The following TDG variants were observed in gnomAD, a reference collection of about 807,000 sequenced individuals.
The protein encoded by TDG is G/T mismatch-specific thymine DNA glycosylase.
Under a neutral mutation model 46.1 loss-of-function variants are expected in TDG, and 23 were observed. The observed-to-expected ratio is 0.50, with a 90% CI of 0.36 to 0.71. TDG has a LOEUF of 0.71. Ranked by LOEUF, TDG falls within the 30% of genes least tolerant of loss-of-function variation. TDG has a pLI of 0.00. For synonymous variants in TDG, 115 were observed against 161.3 expected (o/e 0.71, Z 2.18); for missense variants, 304 against 486.7 (o/e 0.62, Z 3.53).
At chr12:103,972,083 T>G (rs1025252477) in intron 1 of TDG, among the ~76,000 whole-genome samples, 2 of 152,140 alleles carry the variant, frequency 1.3e-5, no homozygotes, top group African/African-American at 4.8e-5. Context: ...TGCTTATACA[T>G]TTAGTTGTTA....
intron 2 of TDG, among the ~76,000 whole-genome samples, chr12:103,977,684 G>A (rs1871606339): frequency 6.6e-6 from 1 of 152,224 alleles, no homozygotes; most frequent in Admixed American, 6.5e-5. Context: ...GAGAATGTAA[G>A]CAAGGGATGA....
chr12:103,983,270 T>C, intron 6 of TDG, 25 bp from the exon 7 acceptor site: 2 of 1,571,190 alleles, frequency 1.3e-6, no homozygotes, highest in Non-Finnish European at 1.7e-6. Context: ...ATGGGCAATG[T>C]AAATATGTTT....
rs374746215 is a variant in TDG at position 103,979,877 on chromosome 12, A to G, written c.213A>G (p.Lys71=). Residue 71 remains lysine (K), a synonymous_variant, in exon 3 of 10, where the codon AAA becomes AAG. Coordinates refer to ENST00000392872, the MANE Select transcript of TDG (RefSeq NM_003211.6). ...GAAAACCCAGAACAACAGAACCAAAACAACCAGTGGAACCCAAAAAACCTG... is the reference window on the plus strand; with the variant it reads ...GAAAACCCAGAACAACAGAACCAAAGCAACCAGTGGAACCCAAAAAACCTG... ...RKRKPRTTEP[K]QPVEPKKPVE... is the part of the protein sequence containing the mutation. 1.3e-6 allele frequency: 2 copies of G among 1,598,326 alleles called. No individual in the cohort carries two copies.
intron 1 of TDG, 52 bp downstream of exon 1, chr12:103,966,112 G>T (rs369243880): frequency 1.6e-5 from 24 of 1,459,448 alleles, no homozygotes; most frequent in Non-Finnish European, 2.1e-5. Flanking sequence ...CTGCTGGGCA[G>T]GCTGGCTGGC....
chr12:103,984,990 TATACACATATACATATATAC>T, intron 8 of TDG, 70 bp downstream of exon 8: 1 of 1,254,190 alleles, frequency 8.0e-7, no homozygotes, highest in South Asian at 1.9e-5. Flanking sequence ...CTTACATATA[TATACACATATACATATATAC>T]ATATACACAT....
intron 3 of TDG, 176 bp from the exon 4 acceptor site, chr12:103,980,717 C>A: frequency 2.0e-6 from 1 of 507,016 alleles, no homozygotes; most frequent in Non-Finnish European, 3.4e-6. Context: ...ATCTCTTTCC[C>A]ATATATGAAA....
At chr12:103,974,974 C>CAAAAAAAAAAAAA (rs34864393) in intron 1 of TDG, among the ~76,000 whole-genome samples, 2 of 77,224 alleles carry the variant, frequency 2.6e-5, no homozygotes, top group Non-Finnish European at 5.3e-5. Context: ...GACTCCGTCT[C>CAAAAAAAAAAAAA]AAAAAAAAAA....
intron 1 of TDG, among the ~76,000 whole-genome samples, chr12:103,974,974 CAAA>C (rs34864393): frequency 3.9e-5 from 3 of 77,226 alleles, no homozygotes; most frequent in East Asian, 4.7e-4. Context: ...GACTCCGTCT[CAAA>C]AAAAAAAAAA....
intron 1 of TDG, chr12:103,972,935 G>A (rs567406059): frequency 8.6e-6 from 6 of 695,652 alleles, no homozygotes; most frequent in South Asian, 7.7e-5. Context: ...TGTGAACGGT[G>A]TCTCCCTAAT....
At chr12:103,972,879 C>G in intron 1 of TDG, 1 of 600,374 alleles carries the variant, frequency 1.7e-6, no homozygotes, top group South Asian at 2.1e-5. Context: ...TCCGACTATA[C>G]TAAAAGTTTT....
Position 103,988,319 on chromosome 12 carries a change from C to A in TDG, c.*1229C>A, listed in dbSNP as rs1294330546. ...TATAAAATATTTATGAGGTCTCCCC[C>A]ACCCCCAGGAGGTTATATGATTGCT... On this transcript the variant is annotated 3_prime_UTR_variant, in exon 10 of 10. Coordinates refer to ENST00000392872, the MANE Select transcript of TDG (RefSeq NM_003211.6). 2.0e-5 allele frequency: 3 copies of A among 152,662 alleles called. No homozygotes were observed. The highest frequency in any genetic ancestry group is 4.8e-5 in the African/African-American group (2 of 41,476). The allele number at this position is 152,662 out of a possible 1,614,324, so 9.5% of individuals were successfully genotyped here.
chr12:103,976,961 C>T lies in TDG; in HGVS notation c.67C>T (p.Gln23Ter), dbSNP rs770094653. The change falls in exon 2 of 10, where the codon CAA (glutamine) becomes TAA (stop). Residue 23 changes from glutamine (Q) to a stop codon, truncating the protein, a stop_gained. Coordinates refer to ENST00000392872, the MANE Select transcript of TDG (RefSeq NM_003211.6). LOFTEE classifies it high-confidence loss of function. ...QAQAFYTFPF[Q>*]QLMAEAPNMA... is the part of the protein sequence containing the mutation. Reference sequence around the variant, plus strand: ...TCAAGCTTTTTATACGTTTCCATTTCAACAACTGATGGCTGAAGCTCCTAA... The same window carrying T: ...TCAAGCTTTTTATACGTTTCCATTTTAACAACTGATGGCTGAAGCTCCTAA... 11 of 1,613,874 alleles carry T rather than the reference C, an allele frequency of 6.8e-6. No individual in the cohort carries two copies. The highest frequency in any genetic ancestry group is 3.3e-5 in the Admixed American group (2 of 59,944).
intron 1 of TDG, among the ~76,000 whole-genome samples, chr12:103,967,457 T>G (rs1303683341): frequency 4.0e-5 from 1 of 25,056 alleles, no homozygotes; most frequent in Non-Finnish European, 6.6e-5. Context: ...ATAAATTTAC[T>G]TTTTTTTTTT....
intron 8 of TDG, 26 bp downstream of exon 8, chr12:103,984,946 A>T (rs762775897): frequency 6.6e-7 from 1 of 1,507,508 alleles, no homozygotes; most frequent in South Asian, 1.3e-5. Context: ...CATTCCTTTT[A>T]TTCATTTTGT....
chr12:103,979,149 C>G (rs1165521178), intron 2 of TDG, among the ~76,000 whole-genome samples: 2 of 120,856 alleles, frequency 1.7e-5, no homozygotes, highest in Non-Finnish European at 3.2e-5. Flanking sequence ...GTTGCCCAGG[C>G]TGGAATGCAG....
intron 9 of TDG, 90 bp from the exon 10 acceptor site, chr12:103,986,858 C>A: frequency 7.0e-7 from 1 of 1,436,326 alleles, no homozygotes; most frequent in Non-Finnish European, 9.5e-7. Context: ...GCATTCCAGC[C>A]TGGGCGATAG....
chr12:103,972,941 C>G (rs1871348770), intron 1 of TDG: 2 of 697,238 alleles, frequency 2.9e-6, no homozygotes, highest in Non-Finnish European at 5.2e-6. Context: ...CGGTGTCTCC[C>G]TAATTTATGT....
At chr12:103,977,875 C>T (rs1245811539) in intron 2 of TDG, among the ~76,000 whole-genome samples, 1 of 151,914 alleles carries the variant, frequency 6.6e-6, no homozygotes, top group Non-Finnish European at 1.5e-5. Context: ...ACCAGCCTGG[C>T]GAACATGGCA....
intron 1 of TDG, among the ~76,000 whole-genome samples, chr12:103,974,292 A>G (rs200339978): frequency 8.8e-6 from 1 of 113,684 alleles, no homozygotes; most frequent in East Asian, 2.7e-4. Context: ...TGTTGTTGTT[A>G]TTGAGGCAGA....
Sources: gnomAD v4.1 joint callset for allele counts (sites outside exome capture counted in the v4.1 genomes callset) on GRCh38, gnomAD v4.1.1 for gene constraint, MANE v1.5 for transcripts, NCBI Gene and HGNC (gene_info 2026-07-23, HGNC 2026-07-21) for gene names.